GOLGA3: variants seen among roughly 807,000 people sequenced by gnomAD.
The protein encoded by GOLGA3 is golgin subfamily A member 3.
GOLGA3 carries 75 observed loss-of-function variants against 169.4 expected under a neutral mutation model. That is an observed-to-expected ratio of 0.44 (90% CI 0.37 to 0.54). GOLGA3 has a LOEUF of 0.54. Among genes scored for constraint, GOLGA3 ranks in the 20% least tolerant of loss-of-function variants. The pLI is 0.00. For missense variants in GOLGA3, 1,899 were observed against 1,930.0 expected (o/e 0.98, Z 0.30); for synonymous variants, 824 against 822.4 (o/e 1.00, Z -0.03).
chr12:132,794,924 C>T (rs550320845), intron 11 of GOLGA3, among the ~76,000 whole-genome samples: 1 of 152,338 alleles, frequency 6.6e-6, no homozygotes, highest in South Asian at 2.1e-4. Flanking sequence ...ATAGGTGGCT[C>T]ACACCTGTAA....
intron 1 of GOLGA3, among the ~76,000 whole-genome samples, chr12:132,825,140 T>C (rs1393118299): frequency 6.6e-6 from 1 of 152,226 alleles, no homozygotes; most frequent in African/African-American, 2.4e-5. Flanking sequence ...TGCTTTGTGA[T>C]GTCTTTGCTT....
rs146521364 is a variant in GOLGA3, at chr12:132,776,664, C to A, written c.3948G>T (p.Lys1316Asn). The A allele has an allele frequency of 3.0e-4, 485 of 1,613,522 alleles. No individual in the cohort carries two copies. The highest frequency in any genetic ancestry group is 3.7e-4 in the Non-Finnish European group (439 of 1,179,676). Reference sequence around the variant, plus strand: ...GCAGCTGCTGTAGCCCTTCCAGTTCCTTCCTGCCCTGCTGCTCCGTCAAGT... The same window carrying A: ...GCAGCTGCTGTAGCCCTTCCAGTTCATTCCTGCCCTGCTGCTCCGTCAAGT... ...QLDLTEQQGR[K>N]ELEGLQQLLQ... The change falls in exon 21 of 24, where the codon AAG becomes AAT. Residue 1316 changes from lysine (K) to asparagine (N), a missense_variant. Lys to Asn is a moderately conservative substitution (Grantham distance 94). Transcript: ENST00000450791.
Position 132,808,351 on chromosome 12 carries a change from AT to A in GOLGA3, c.717del (p.Lys239AsnfsTer35). On this transcript the variant is annotated frameshift_variant, in exon 5 of 24. Coordinates refer to ENST00000450791, the MANE Select transcript of GOLGA3 (RefSeq NM_001389683.1). LOFTEE classifies it high-confidence loss of function. ...PAHPREKKTS[K>X]SSKIRSLADY... ...TCGGCCAGAGACCGGATTTTGCTTG[AT>A]TTGGAAGTTTTTTTCTCCCTAGGAT... The A allele has an allele frequency of 6.2e-7, 1 of 1,613,992 alleles. No homozygotes were observed. Among genetic ancestry groups the A allele is most frequent in the Non-Finnish European group, 8.5e-7 (1 of 1,180,004 alleles).
intron 11 of GOLGA3, among the ~76,000 whole-genome samples, chr12:132,794,333 TAAAAAAAAAAA>T (rs1218754773): frequency 1.5e-5 from 2 of 132,432 alleles, no homozygotes; most frequent in Non-Finnish European, 3.3e-5. Flanking sequence ...CGTATCTATT[TAAAAAAAAAAA>T]AAAAAAAAAA....
In GOLGA3 at chr12:132,771,230, A is replaced by AT. The variant is rs1173792448; in HGVS notation, c.*1874dup. 7 of 152,664 alleles carry AT rather than the reference A, an allele frequency of 4.6e-5. No individual in the cohort carries two copies. Among genetic ancestry groups the AT allele is most frequent in the African/African-American group, 1.7e-4 (7 of 41,446 alleles). The allele number at this position is 152,664 out of a possible 1,614,324, so 9.5% of individuals were successfully genotyped here. ...CCTTACCAATTAACCTTCTAAAAGT[A>AT]TATTACAACAGAACACAAATAGCTT... On this transcript the variant is annotated 3_prime_UTR_variant, in exon 24 of 24. Coordinates refer to ENST00000450791, the MANE Select transcript of GOLGA3 (RefSeq NM_001389683.1).
chr12:132,779,544 T>C (rs771652602), intron 18 of GOLGA3, among the ~76,000 whole-genome samples: 1 of 152,258 alleles, frequency 6.6e-6, no homozygotes, highest in Non-Finnish European at 1.5e-5. Context: ...GCTTCACTGT[T>C]AGGCCGAAAA....
At chr12:132,813,279 T>G in intron 4 of GOLGA3, 28 bp downstream of exon 4, 3,568 of 1,448,482 alleles carry the variant, frequency 2.5e-3, no homozygotes, top group Non-Finnish European at 3.1e-3. Flanking sequence ...AAGCTTTCCA[T>G]GAGCTTGTTC....
chr12:132,795,222 T>C (rs1593293913), intron 11 of GOLGA3, among the ~76,000 whole-genome samples: 1 of 149,398 alleles, frequency 6.7e-6, no homozygotes, highest in Non-Finnish European at 1.5e-5. Context: ...TCGGGCGCGG[T>C]GGCTCACGCC....
chr12:132,789,894 G>A (rs564522689), intron 12 of GOLGA3, among the ~76,000 whole-genome samples: 13 of 152,268 alleles, frequency 8.5e-5, no homozygotes, highest in Admixed American at 3.9e-4. Context: ...CTAGCCAGGC[G>A]TGGTGGTGCA....
At chr12:132,788,917 A>ACATACCCCGCCC in intron 13 of GOLGA3, 110 bp downstream of exon 13, 1 of 311,264 alleles carries the variant, frequency 3.2e-6, no homozygotes, top group Admixed American at 5.0e-5. Flanking sequence ...CCCGACCCAG[A>ACATACCCCGCCC]CAGACCCCGC....
chr12:132,788,994 C>T (rs888998136), intron 13 of GOLGA3, 33 bp downstream of exon 13: 10 of 1,525,736 alleles, frequency 6.6e-6, no homozygotes, highest in Non-Finnish European at 8.8e-6. Context: ...CCGAATCCTC[C>T]CCATCAAATG....
At chr12:132,812,546 T>C (rs1277489802) in intron 4 of GOLGA3, among the ~76,000 whole-genome samples, 1 of 152,074 alleles carries the variant, frequency 6.6e-6, no homozygotes, top group Non-Finnish European at 1.5e-5. Flanking sequence ...ATATCAACAT[T>C]AACAGGAGTG....
chr12:132,775,148 G>A lies in GOLGA3; in HGVS notation c.4136C>T (p.Ala1379Val). The change falls in exon 22 of 24, where the codon GCC (alanine) becomes GTC (valine). Residue 1379 changes from alanine to valine, a missense_variant. Ala to Val is a moderately conservative substitution (Grantham distance 64). Coordinates refer to ENST00000450791, the MANE Select transcript of GOLGA3 (RefSeq NM_001389683.1). ...QLKLDLRRGA[A>V]KTRKEPKGEA... ...GGACGCGGGCCTGAGTACCGTCTTG[G>A]CCGCGCCGCGGCGTAGGTCCAGCTT... 1.2e-6 allele frequency: 2 copies of A among 1,613,218 alleles called. No individual in the cohort carries two copies. Among genetic ancestry groups the A allele is most frequent in the Non-Finnish European group, 1.7e-6 (2 of 1,179,974 alleles).
chr12:132,813,513 C>A, intron 3 of GOLGA3, 94 bp from the exon 4 acceptor site: 1 of 654,598 alleles, frequency 1.5e-6, no homozygotes, highest in East Asian at 2.7e-5. Flanking sequence ...CTTAATTACC[C>A]ATATACTTTA....
chr12:132,782,552 C>T (rs2045661817), intron 16 of GOLGA3, 59 bp from the exon 17 acceptor site: 1 of 1,331,638 alleles, frequency 7.5e-7, no homozygotes, highest in African/African-American at 1.4e-5. Context: ...GTTCACATAC[C>T]CCAGAAACAG....
chr12:132,791,047 T>G (rs2046199774), intron 12 of GOLGA3, among the ~76,000 whole-genome samples, 169 bp downstream of exon 12: 1 of 32,240 alleles, frequency 3.1e-5, no homozygotes, highest in African/African-American at 1.7e-4. Flanking sequence ...AGAGACTCCG[T>G]CTCAAAAAAA....
At chr12:132,825,940 G>A (rs1447495067) in intron 1 of GOLGA3, 5 of 948,580 alleles carry the variant, frequency 5.3e-6, no homozygotes, top group Non-Finnish European at 8.7e-6. Flanking sequence ...TGACCAAGAT[G>A]AAGACGCAGA....
intron 8 of GOLGA3, among the ~76,000 whole-genome samples, chr12:132,800,680 G>A (rs952077225): frequency 2.0e-5 from 3 of 152,060 alleles, no homozygotes; most frequent in African/African-American, 7.2e-5. Flanking sequence ...AAAATAACAG[G>A]CCAGGTGCGG....
At chr12:132,818,701 C>G (rs1276623632) in intron 2 of GOLGA3, among the ~76,000 whole-genome samples, 1 of 152,234 alleles carries the variant, frequency 6.6e-6, no homozygotes, top group East Asian at 1.9e-4. Context: ...GAGTCACAGC[C>G]TCACATTTAC....
Sources: allele counts gnomAD v4.1 joint callset (sites outside exome capture counted in the v4.1 genomes callset), GRCh38; gene constraint gnomAD v4.1.1; transcripts MANE v1.5; gene names NCBI Gene and HGNC (gene_info 2026-07-23, HGNC 2026-07-21).